SATL1: variants seen among roughly 807,000 people sequenced by gnomAD.
SATL1 encodes spermidine/spermine N(1)-acetyltransferase-like protein 1.
SATL1 carries 47 observed loss-of-function variants against 51.8 expected under a neutral mutation model. The observed-to-expected ratio is 0.91, with a 90% CI of 0.72 to 1.16. The LOEUF is 1.16. Ranked by LOEUF, SATL1 falls within the 50% of genes most tolerant of loss-of-function variation. SATL1 has a pLI of 0.00. For synonymous variants in SATL1, 176 were observed against 182.4 expected (o/e 0.97, Z 0.28); for missense variants, 520 against 526.4 (o/e 0.99, Z 0.12).
At chrX:85,115,733 C>T (rs994218417) in intron 2 of SATL1, among the ~76,000 whole-genome samples, 2 of 111,919 alleles carry the variant, frequency 1.8e-5, no homozygotes, top group Non-Finnish European at 3.8e-5. Context: ...AAATAGGCAG[C>T]GTGGGTTCTT....
intron 2 of SATL1, among the ~76,000 whole-genome samples, chrX:85,164,406 T>A (rs1283496274): frequency 2.7e-5 from 3 of 112,064 alleles, no homozygotes; most frequent in Non-Finnish European, 1.9e-5. Context: ...AGAACTGCTT[T>A]TAGCAACTCT....
intron 2 of SATL1, among the ~76,000 whole-genome samples, chrX:85,196,203 T>C (rs761128832): frequency 3.6e-5 from 4 of 111,119 alleles, no homozygotes; most frequent in Non-Finnish European, 7.5e-5. Context: ...GGTATCAAAA[T>C]GAATTAACTA....
intron 2 of SATL1, among the ~76,000 whole-genome samples, chrX:85,191,630 G>A (rs1927441408): frequency 9.0e-6 from 1 of 111,726 alleles, no homozygotes; most frequent in Admixed American, 9.6e-5. Context: ...CATGTTATAT[G>A]TATTATATAC....
intron 4 of SATL1, among the ~76,000 whole-genome samples, chrX:85,097,344 T>A (rs770928701): frequency 3.6e-5 from 4 of 112,118 alleles, no homozygotes; most frequent in Non-Finnish European, 7.5e-5. Context: ...AAATAATTAT[T>A]ACTTTTTATT....
chrX:85,125,996 A>T (rs1432893119), intron 2 of SATL1, among the ~76,000 whole-genome samples: 2 of 110,634 alleles, frequency 1.8e-5, no homozygotes, highest in African/African-American at 6.6e-5. Context: ...CTTTAGGGCC[A>T]AAAAGGATTT....
At chrX:85,243,508 C>G (rs1336460254) in intron 1 of SATL1, 80 bp downstream of exon 1, 1 of 111,955 alleles carries the variant, frequency 8.9e-6, no homozygotes, top group Non-Finnish European at 1.9e-5. Context: ...AATTGTCTAC[C>G]ATTACAAAAT....
At chrX:85,228,637 A>G (rs971779877) in intron 1 of SATL1, among the ~76,000 whole-genome samples, 2 of 111,569 alleles carry the variant, frequency 1.8e-5, no homozygotes, top group Non-Finnish European at 3.8e-5. Context: ...GCAAAATCCA[A>G]TGGTCAATTC....
At chrX:85,138,065 T>A (rs966892032) in intron 2 of SATL1, among the ~76,000 whole-genome samples, 29 of 112,051 alleles carry the variant, frequency 2.6e-4, no homozygotes, top group African/African-American at 9.4e-4. Context: ...ATTGTCCACT[T>A]TTTCCATTAA....
At chrX:85,105,053 T>G (rs930233758) in intron 3 of SATL1, among the ~76,000 whole-genome samples, 5 of 111,664 alleles carry the variant, frequency 4.5e-5, no homozygotes, top group Non-Finnish European at 9.4e-5. Flanking sequence ...CTGGTATAGA[T>G]CATCTCCCCT....
intron 2 of SATL1, among the ~76,000 whole-genome samples, chrX:85,131,692 T>C (rs1925807356): frequency 8.9e-6 from 1 of 111,769 alleles, no homozygotes; most frequent in Non-Finnish European, 1.9e-5. Flanking sequence ...CCTGTCATTA[T>C]GATGTCAGCT....
At chrX:85,173,850 G>A (rs983376650) in intron 2 of SATL1, among the ~76,000 whole-genome samples, 2 of 108,506 alleles carry the variant, frequency 1.8e-5, no homozygotes, top group Admixed American at 2.0e-4. Context: ...GTATACATGT[G>A]CCATGTTGGT....
At chrX:85,156,790 C>T (rs1356358746) in intron 2 of SATL1, among the ~76,000 whole-genome samples, 2 of 88,725 alleles carry the variant, frequency 2.3e-5, no homozygotes, top group Admixed American at 1.3e-4. Flanking sequence ...GATAACAGTA[C>T]AAGGATTTGA....
rs1924655341 is a variant in SATL1 at position 85,094,952 on chromosome X, G to A, written c.1738C>T (p.Leu580=). 1.7e-6 allele frequency: 2 copies of A among 1,184,945 alleles called. No homozygotes were observed. Among genetic ancestry groups the A allele is most frequent in the African/African-American group, 3.5e-5 (2 of 56,838 alleles). ...GFGDNPLFYC[L]IAEVNDQQKP... Reference sequence around the variant, plus strand: ...TGTTGATCGTTTACTTCTGCAATCAGGCAGTAGAAAAGGGGATTGTCCCCA... The same window carrying A: ...TGTTGATCGTTTACTTCTGCAATCAAGCAGTAGAAAAGGGGATTGTCCCCA... Residue 580 remains leucine, a synonymous_variant, in exon 5 of 8, where the codon CTG becomes TTG. Coordinates refer to ENST00000644105, the MANE Select transcript of SATL1 (RefSeq NM_001367857.2).
At chrX:85,125,064 A>G (rs993060254) in intron 2 of SATL1, among the ~76,000 whole-genome samples, 1 of 110,565 alleles carries the variant, frequency 9.0e-6, no homozygotes, top group African/African-American at 3.3e-5. Flanking sequence ...AATAAGACCC[A>G]GGCTGTTTCA....
intron 2 of SATL1, among the ~76,000 whole-genome samples, chrX:85,119,457 TTAAGTA>T (rs1297568467): frequency 8.9e-6 from 1 of 112,106 alleles, no homozygotes; most frequent in Non-Finnish European, 1.9e-5. Flanking sequence ...ACTTCACCGC[TTAAGTA>T]TATGTTTTCA....
intron 2 of SATL1, among the ~76,000 whole-genome samples, chrX:85,123,166 T>C (rs1303448631): frequency 9.0e-6 from 1 of 111,602 alleles, no homozygotes; most frequent in African/African-American, 3.2e-5. Context: ...ATTATTATTT[T>C]TTGGGTATAT....
intron 2 of SATL1, among the ~76,000 whole-genome samples, chrX:85,163,593 C>T (rs971966140): frequency 9.0e-6 from 1 of 111,346 alleles, no homozygotes; most frequent in Non-Finnish European, 1.9e-5. Context: ...TTGGAGTTAA[C>T]TTCCAATTTT....
intron 1 of SATL1, among the ~76,000 whole-genome samples, chrX:85,229,020 T>C (rs1162379372): frequency 8.9e-6 from 1 of 111,874 alleles, no homozygotes; most frequent in Non-Finnish European, 1.9e-5. Flanking sequence ...CCATCCTTCC[T>C]CTTGCTCAGG....
At chrX:85,156,340 G>C (rs73232594) in intron 2 of SATL1, 1 of 110,921 alleles carries the variant, frequency 9.0e-6, no homozygotes, top group Non-Finnish European at 1.9e-5. Flanking sequence ...GCGTTCATCA[G>C]GACTCCAACC....
Sources: allele counts gnomAD v4.1 joint callset (sites outside exome capture counted in the v4.1 genomes callset), GRCh38; gene constraint gnomAD v4.1.1; transcripts MANE v1.5; gene names NCBI Gene and HGNC (gene_info 2026-07-23, HGNC 2026-07-21).